Variants in VCAN observed in about 807,000 individuals in gnomAD.
VCAN encodes versican, also known as versican core protein.
In VCAN, 44 loss-of-function variants were observed where a neutral mutation model predicts 245.5. The observed-to-expected ratio is 0.18, with a 90% confidence interval of 0.14 to 0.23. The LOEUF is 0.23. Among genes scored for constraint, VCAN ranks in the 10% least tolerant of loss-of-function variants. The pLI is 1.00. For missense variants in VCAN, 3,793 were observed against 4,057.9 expected, an observed-to-expected ratio of 0.93 and a Z score of 1.77; for synonymous variants, 1,413 against 1,437.0, an observed-to-expected ratio of 0.98 and a Z score of 0.38.
chr5:83,553,713 A>G (rs1747559294), intron 11 of VCAN, among the ~76,000 whole-genome samples, 191 bp downstream of exon 11: 1 of 152,218 alleles, frequency 6.6e-6, no homozygotes, highest in Non-Finnish European at 1.5e-5. Context: ...CAACTATAAT[A>G]TAGGTAGGCA....
At chr5:83,503,985 G>C (rs1349152785) in intron 5 of VCAN, among the ~76,000 whole-genome samples, 1 of 152,094 alleles carries the variant, frequency 6.6e-6, no homozygotes, top group Non-Finnish European at 1.5e-5. Context: ...TGTCATGTTT[G>C]AGTCTGCCAA....
chr5:83,509,420 T>A (rs968596258), intron 5 of VCAN, among the ~76,000 whole-genome samples: 1 of 152,218 alleles, frequency 6.6e-6, no homozygotes, highest in African/African-American at 2.4e-5. Flanking sequence ...CAGCTACCCA[T>A]GAAATCATGC....
intron 7 of VCAN, among the ~76,000 whole-genome samples, chr5:83,531,632 T>C (rs1414363619): frequency 6.6e-6 from 1 of 152,186 alleles, no homozygotes; most frequent in Non-Finnish European, 1.5e-5. Context: ...GGTGTACATT[T>C]ACGTTTAATT....
chr5:83,539,490 A>G lies in VCAN; in HGVS notation c.6487A>G (p.Thr2163Ala). The change falls in exon 8 of 15, where the codon ACT (threonine) becomes GCT (alanine). Residue 2163 changes from threonine (T) to alanine (A), a missense_variant. By Grantham distance (58) the Thr-to-Ala change is moderately conservative. Coordinates refer to ENST00000265077, the MANE Select transcript of VCAN (RefSeq NM_004385.5). ...TTATTCTGTACTAACAACAAAGAAA[A>G]CTTACAGTGATGATAAAGAAATGAA... ...TDYSVLTTKK[T>A]YSDDKEMKEE... The G allele has an allele frequency of 6.2e-7, 1 of 1,613,834 alleles. No homozygotes were observed. Among genetic ancestry groups the G allele is most frequent in the Non-Finnish European group, 8.5e-7 (1 of 1,179,954 alleles).
intron 6 of VCAN, among the ~76,000 whole-genome samples, chr5:83,519,107 A>C (rs1041101222): frequency 4.6e-5 from 7 of 152,208 alleles, no homozygotes; most frequent in African/African-American, 1.4e-4. Flanking sequence ...GCATACTTTT[A>C]GGTAAAAGCA....
At chr5:83,534,245 C>T (rs1746624256) in intron 7 of VCAN, 1 of 152,004 alleles carries the variant, frequency 6.6e-6, no homozygotes, top group Non-Finnish European at 1.5e-5. Flanking sequence ...AAAGAATTTA[C>T]TTAGAAATTC....
At chr5:83,503,731 G>C (rs1207885730) in intron 5 of VCAN, among the ~76,000 whole-genome samples, 1 of 152,170 alleles carries the variant, frequency 6.6e-6, no homozygotes, top group Non-Finnish European at 1.5e-5. Context: ...CTGCCACAGA[G>C]AGCAGCCCAT....
At chr5:83,489,877 A>G (rs1308612619) in intron 2 of VCAN, among the ~76,000 whole-genome samples, 8 of 151,778 alleles carry the variant, frequency 5.3e-5, no homozygotes, top group Middle Eastern at 3.4e-3. Flanking sequence ...AAAATGAATG[A>G]TGCCACATTT....
At chr5:83,480,386 C>A (rs982034094) in intron 1 of VCAN, among the ~76,000 whole-genome samples, 6 of 152,126 alleles carry the variant, frequency 3.9e-5, no homozygotes, top group African/African-American at 1.4e-4. Context: ...TCCTGGGTCA[C>A]ACCTTTGGTT....
At chr5:83,475,421 T>C (rs1744353134) in intron 1 of VCAN, among the ~76,000 whole-genome samples, 1 of 152,242 alleles carries the variant, frequency 6.6e-6, no homozygotes, top group Non-Finnish European at 1.5e-5. Flanking sequence ...CTGAAAGCTG[T>C]GACCTAATTG....
chr5:83,571,557 A>G (rs562171999), intron 12 of VCAN, among the ~76,000 whole-genome samples: 81 of 152,262 alleles, frequency 5.3e-4, no homozygotes, highest in African/African-American at 1.9e-3. Context: ...AGTAGGATAT[A>G]TATATATACG....
At chr5:83,480,236 T>C (rs1744564997) in intron 1 of VCAN, among the ~76,000 whole-genome samples, 2 of 152,204 alleles carry the variant, frequency 1.3e-5, no homozygotes, top group Admixed American at 6.5e-5. Context: ...AAGTGATGCG[T>C]ATACTTGTTG....
chr5:83,519,554 A>T lies in VCAN; in HGVS notation c.1248A>T (p.Thr416=). The stretch of plus-strand genomic sequence containing the variant: ...CCACAGTCCAACCTCAGGCTATCAC[A>T]GATAGTTTAGCCACCAAATTACCCA... ...QKATVQPQAI[T]DSLATKLPTP... Residue 416 remains threonine (T), a synonymous_variant, in exon 7 of 15, where the codon ACA becomes ACT. Transcript: ENST00000265077. 2.5e-6 allele frequency: 4 copies of T among 1,614,166 alleles called. No homozygotes were observed. The highest frequency in any genetic ancestry group is 3.4e-6 in the Non-Finnish European group (4 of 1,179,988).
At chr5:83,570,825 C>CTT (rs5869186) in intron 12 of VCAN, among the ~76,000 whole-genome samples, 2 of 145,978 alleles carry the variant, frequency 1.4e-5, no homozygotes, top group Non-Finnish European at 3.0e-5. Flanking sequence ...TGGACCTTCC[C>CTT]TTTTTTTTTT....
chr5:83,493,302 G>C (rs942279237), intron 3 of VCAN, among the ~76,000 whole-genome samples: 1 of 152,152 alleles, frequency 6.6e-6, no homozygotes, highest in Non-Finnish European at 1.5e-5. Flanking sequence ...TCTCTTCCTT[G>C]ATCTAGGAGA....
At chr5:83,481,396 C>T (rs1448522745) in intron 1 of VCAN, among the ~76,000 whole-genome samples, 1 of 151,928 alleles carries the variant, frequency 6.6e-6, no homozygotes, top group African/African-American at 2.4e-5. Flanking sequence ...TCTTTAACAC[C>T]TTTTTATCAT....
rs1462725563 is a variant in VCAN, at chr5:83,580,317, C to G, written c.10074C>G (p.Tyr3358Ter). The change falls in exon 15 of 15, where the codon TAC (tyrosine) becomes TAG (stop). Residue 3358 changes from tyrosine to a stop codon, truncating the protein, a stop_gained. Transcript: ENST00000265077. LOFTEE classifies it high-confidence loss of function. Reference protein sequence around the residue: ...PKITCMNPSAYQRTYSMKYFK... With the variant: ...PKITCMNPSA ...TTTCCTTCCATGTAGCATCTGCATA[C>G]CAAAGGACTTATTCTATGAAATACT... 2 of 1,613,838 alleles carry G rather than the reference C, an allele frequency of 1.2e-6. No individual in the cohort carries two copies. Among genetic ancestry groups the G allele is most frequent in the East Asian group, 4.5e-5 (2 of 44,870 alleles).
In VCAN at chr5:83,555,049, C is replaced by A. The variant is rs778419534; in HGVS notation, c.9735+11C>A. The A allele has an allele frequency of 6.2e-7, 1 of 1,613,016 alleles. No homozygotes were observed. The highest frequency in any genetic ancestry group is 1.7e-5 in the Admixed American group (1 of 59,992). ...GATGGCAGCACACTGGTAAGATGCC[C>A]TTGAAAATGATGTCAAGTTCTACCT... On this transcript the variant is annotated intron_variant, in intron 12 of 14. Coordinates refer to ENST00000265077, the MANE Select transcript of VCAN (RefSeq NM_004385.5).
intron 12 of VCAN, among the ~76,000 whole-genome samples, chr5:83,565,019 G>C (rs1748020819): frequency 1.3e-5 from 2 of 152,118 alleles, no homozygotes; most frequent in South Asian, 4.1e-4. Context: ...TGGATAGATA[G>C]AGAGAGAGAG....
Sources: allele counts gnomAD v4.1 joint callset (sites outside exome capture counted in the v4.1 genomes callset), GRCh38; gene constraint gnomAD v4.1.1; transcripts MANE v1.5; gene names NCBI Gene and HGNC (gene_info 2026-07-23, HGNC 2026-07-21).